The following SCAF4 variants were observed in gnomAD, a reference collection of about 807,000 sequenced individuals.
The protein encoded by SCAF4 is SR-related CTD associated factor 4.
Under a neutral mutation model 129.8 loss-of-function variants are expected in SCAF4, and 25 were observed. The ratio of observed to expected loss-of-function variants is 0.19; its 90% confidence interval spans 0.14 to 0.27. The LOEUF is 0.27. Ranked by LOEUF, SCAF4 falls within the 10% of genes least tolerant of loss-of-function variation. The pLI is 1.00. For synonymous variants in SCAF4, 551 were observed against 497.7 expected (o/e 1.11, Z -1.43); for missense variants, 1,246 against 1,457.1 (o/e 0.86, Z 2.36).
At chr21:31,679,486 T>G (rs947229351) in intron 19 of SCAF4, among the ~76,000 whole-genome samples, 7 of 152,220 alleles carry the variant, frequency 4.6e-5, no homozygotes, top group Admixed American at 4.6e-4. Flanking sequence ...TCCTGGGTTA[T>G]TCTTATAGAA....
chr21:31,673,192 G>A (rs1008045839), intron 19 of SCAF4, among the ~76,000 whole-genome samples: 1 of 152,000 alleles, frequency 6.6e-6, no homozygotes, highest in Non-Finnish European at 1.5e-5. Context: ...TAAGAGTCAC[G>A]CAAGTTCAAC....
intron 1 of SCAF4, among the ~76,000 whole-genome samples, chr21:31,721,085 TA>T (rs1318933651): frequency 2.0e-5 from 3 of 152,192 alleles, no homozygotes; most frequent in African/African-American, 7.2e-5. Flanking sequence ...ATCAACACTT[TA>T]TAGAGTATTT....
intron 9 of SCAF4, 137 bp downstream of exon 9, chr21:31,695,976 T>G (rs1410145352): frequency 1.9e-6 from 1 of 519,074 alleles, no homozygotes; most frequent in Admixed American, 3.0e-5. Flanking sequence ...CTCAAAATAG[T>G]TACGTGTTCA....
chr21:31,689,971 G>A (rs1008798217), intron 15 of SCAF4, among the ~76,000 whole-genome samples: 3 of 151,804 alleles, frequency 2.0e-5, no homozygotes, highest in Non-Finnish European at 4.4e-5. Context: ...ATTCTATACT[G>A]CCATGCCATC....
intron 1 of SCAF4, among the ~76,000 whole-genome samples, chr21:31,728,292 G>A (rs143971120): frequency 6.6e-6 from 1 of 152,060 alleles, no homozygotes; most frequent in African/African-American, 2.4e-5. Flanking sequence ...ATTGTTAACT[G>A]CCCTTCCTTC....
At chr21:31,715,798 C>T (rs2050907755) in intron 1 of SCAF4, among the ~76,000 whole-genome samples, 1 of 152,154 alleles carries the variant, frequency 6.6e-6, no homozygotes, top group South Asian at 2.1e-4. Flanking sequence ...AACCAGTCAG[C>T]TAAAATCCAC....
chr21:31,705,556 A>G lies in SCAF4; in HGVS notation c.115-89T>C, dbSNP rs938313016. 4 of 527,832 alleles carry G rather than the reference A, an allele frequency of 7.6e-6. No individual in the cohort carries two copies. The South Asian group carries it at 1.3e-4, about 18-fold the overall frequency. 32.7% of individuals were successfully genotyped at this position (527,832 alleles called of 1,614,324 possible). On this transcript the variant is annotated intron_variant, in intron 2 of 19. Transcript: ENST00000286835. ...AAATTCTTAAAACTCTGAAATCTAT[A>G]CAATCTAAATATTATCAATACTGAA...
Position 31,713,759 on chromosome 21 carries a change from G to GA in SCAF4, c.31-7403_31-7402insT, listed in dbSNP as rs200797036. ...GCAAACCGGAGCGGGGGTGGGGTGG[G>GA]GGGGGCAGGGAAGAAGCACTGCCAT... On this transcript the variant is annotated intron_variant, in intron 1 of 19. Coordinates refer to ENST00000286835, the MANE Select transcript of SCAF4 (RefSeq NM_020706.2). 1.9e-4 allele frequency among the ~76,000 whole-genome samples: 28 copies of GA among 150,994 alleles called. No individual in the cohort carries two copies. In the East Asian group the frequency reaches 5.3e-3, roughly 29 times the overall value.
chr21:31,694,682 C>T lies in SCAF4; in HGVS notation c.1236+131G>A, dbSNP rs1233309959. On this transcript the variant is annotated intron_variant, in intron 10 of 19. Transcript: ENST00000286835. ...CTTTCCAGATGAAAAACCTGGAGCACTGAGAGGGTTTAATATGTACCCAGG... is the reference window on the plus strand; with the variant it reads ...CTTTCCAGATGAAAAACCTGGAGCATTGAGAGGGTTTAATATGTACCCAGG... 40 of 849,632 alleles carry T rather than the reference C, an allele frequency of 4.7e-5. No individual in the cohort carries two copies. In the Admixed American group the frequency reaches 1.0e-3, roughly 21 times the overall value. 52.6% of individuals were successfully genotyped at this position (849,632 alleles called of 1,614,324 possible).
intron 9 of SCAF4, 83 bp from the exon 10 acceptor site, chr21:31,695,063 T>C (rs931505604): frequency 3.9e-4 from 428 of 1,105,644 alleles, no homozygotes; most frequent in Non-Finnish European, 5.3e-4. Flanking sequence ...TAAAATATCC[T>C]CAATAAAGTT....
chr21:31,692,247 T>C, intron 13 of SCAF4, 102 bp downstream of exon 13: 1 of 832,784 alleles, frequency 1.2e-6, no homozygotes, highest in Non-Finnish European at 2.0e-6. Context: ...GTCACATCTA[T>C]AAACCTGGGC....
chr21:31,686,203 C>CAAAAAAAAAAAAAGA (rs1160076399), intron 16 of SCAF4, among the ~76,000 whole-genome samples: 2 of 75,898 alleles, frequency 2.6e-5, no homozygotes, highest in Non-Finnish European at 6.7e-5. Flanking sequence ...ACTTGGTCTT[C>CAAAAAAAAAAAAAGA]AAAAAAAAAA....
chr21:31,696,493 G>T, intron 8 of SCAF4, 76 bp downstream of exon 8: 1 of 1,308,582 alleles, frequency 7.6e-7, no homozygotes, highest in Non-Finnish European at 1.0e-6. Flanking sequence ...TGTTGTCATT[G>T]CTAAATGTTA....
In SCAF4 at chr21:31,712,039, T is replaced by G. The variant is rs114391924; in HGVS notation, c.31-5682A>C. 6.5e-3 allele frequency among the ~76,000 whole-genome samples: 996 copies of G among 152,248 alleles called. 10 individuals are homozygous for G. The highest frequency in any genetic ancestry group is 0.023 in the African/African-American group (938 of 41,530). ...TTCTCAAGACTAAAGGTCAATACAC[T>G]GTTTTTATGTTTTAGAACTCAATTT... is the stretch of plus-strand genomic sequence containing the variant. On this transcript the variant is annotated intron_variant, in intron 1 of 19. Transcript: ENST00000286835.
intron 1 of SCAF4, 69 bp downstream of exon 1, chr21:31,731,594 G>A: frequency 1.9e-6 from 3 of 1,543,514 alleles, no homozygotes; most frequent in South Asian, 2.3e-5. Flanking sequence ...TTAAACCTCC[G>A]GCGGCGGGAG....
chr21:31,715,831 C>T (rs1398601649), intron 1 of SCAF4, among the ~76,000 whole-genome samples: 1 of 152,160 alleles, frequency 6.6e-6, no homozygotes, highest in Non-Finnish European at 1.5e-5. Context: ...TCATCCTGCC[C>T]ATATTTTTCT....
At chr21:31,693,266 T>C (rs1601210375) in intron 12 of SCAF4, 28 bp downstream of exon 12, 1 of 1,400,348 alleles carries the variant, frequency 7.1e-7, no homozygotes, top group Non-Finnish European at 9.5e-7. Context: ...AAATAGTACA[T>C]GAGGTTTGAA....
rs138177730 is a variant in SCAF4, at chr21:31,723,492, C to T, written c.30+8171G>A. On this transcript the variant is annotated intron_variant, in intron 1 of 19. Coordinates refer to ENST00000286835, the MANE Select transcript of SCAF4 (RefSeq NM_020706.2). ...AAAACAAACAAAACAAAAAACAAAA[C>T]AAAAAATCCTGTAACATTTGTATTC... Among the ~76,000 whole-genome samples the T allele has an allele frequency of 4.2e-4, 64 of 151,412 alleles. 1 individual carries two copies. The highest frequency in any genetic ancestry group is 1.4e-3 in the Admixed American group (21 of 15,256).
chr21:31,705,907 T>A (rs2050648207), intron 2 of SCAF4, among the ~76,000 whole-genome samples: 1 of 152,212 alleles, frequency 6.6e-6, no homozygotes, highest in Non-Finnish European at 1.5e-5. Context: ...AATGAAAATT[T>A]AAAAAACTGC....
Sources: gnomAD v4.1 joint callset for allele counts (sites outside exome capture counted in the v4.1 genomes callset) on GRCh38, gnomAD v4.1.1 for gene constraint, MANE v1.5 for transcripts, NCBI Gene and HGNC (gene_info 2026-07-23, HGNC 2026-07-21) for gene names.